The following GRIK2 variants were observed in gnomAD, a reference collection of about 807,000 sequenced individuals.
GRIK2 encodes glutamate ionotropic receptor kainate type subunit 2, also known as glutamate receptor ionotropic, kainate 2.
Under a neutral mutation model 100.3 loss-of-function variants are expected in GRIK2, and 32 were observed. The observed-to-expected ratio is 0.32, with a 90% CI of 0.24 to 0.43. The LOEUF is 0.43. GRIK2 is among the 20% of genes least tolerant of loss of function. The pLI, the probability that GRIK2 is intolerant of heterozygous loss-of-function variation, is 1.00. For synonymous variants in GRIK2, 417 were observed against 389.4 expected (o/e 1.07, Z -0.83); for missense variants, 843 against 1,114.9 (o/e 0.76, Z 3.47).
At chr6:101,410,379 T>G (rs1775831901) in intron 2 of GRIK2, among the ~76,000 whole-genome samples, 1 of 152,106 alleles carries the variant, frequency 6.6e-6, no homozygotes, top group African/African-American at 2.4e-5. Flanking sequence ...TTGAGATGGA[T>G]GTATGGGACT....
intron 2 of GRIK2, among the ~76,000 whole-genome samples, chr6:101,523,548 A>G (rs181428759): frequency 1.1e-4 from 16 of 152,270 alleles, no homozygotes; most frequent in Admixed American, 1.0e-3. Context: ...TCTGGGCCGT[A>G]AATGCTTGGG....
At chr6:101,838,906 G>C (rs959786889) in intron 10 of GRIK2, among the ~76,000 whole-genome samples, 1 of 152,016 alleles carries the variant, frequency 6.6e-6, no homozygotes, top group South Asian at 2.1e-4. Context: ...ACCTACGTTG[G>C]CCTTCTGAAG....
intron 2 of GRIK2, among the ~76,000 whole-genome samples, chr6:101,588,575 T>C (rs1778487189): frequency 2.0e-5 from 3 of 151,524 alleles, no homozygotes; most frequent in Admixed American, 2.0e-4. Flanking sequence ...AGCCCAGGAG[T>C]TTGAAGCTGT....
chr6:102,047,441 A>C (rs1283445693), intron 15 of GRIK2, among the ~76,000 whole-genome samples: 1 of 152,118 alleles, frequency 6.6e-6, no homozygotes, highest in Non-Finnish European at 1.5e-5. Flanking sequence ...GATTGGAAGA[A>C]TTAATATTGT....
At chr6:101,754,024 A>C (rs1015494090) in intron 7 of GRIK2, among the ~76,000 whole-genome samples, 3 of 152,226 alleles carry the variant, frequency 2.0e-5, no homozygotes, top group African/African-American at 7.2e-5. Context: ...AAGATAAATT[A>C]CTTTTTTTAA....
At chr6:101,696,994 A>T (rs1386951151) in intron 7 of GRIK2, among the ~76,000 whole-genome samples, 1 of 151,998 alleles carries the variant, frequency 6.6e-6, no homozygotes, top group Non-Finnish European at 1.5e-5. Flanking sequence ...CTAAACTCAT[A>T]CATAGAGGTC....
At chr6:101,936,416 CATT>C (rs760827750) in intron 14 of GRIK2, among the ~76,000 whole-genome samples, 4 of 152,000 alleles carry the variant, frequency 2.6e-5, no homozygotes, top group South Asian at 2.1e-4. Context: ...TTTAAAGTGT[CATT>C]ATATTTTTAT....
intron 7 of GRIK2, among the ~76,000 whole-genome samples, chr6:101,782,118 G>A (rs1433357345): frequency 6.6e-6 from 1 of 152,024 alleles, no homozygotes; most frequent in Non-Finnish European, 1.5e-5. Flanking sequence ...GGCTATTTAG[G>A]ATATTCACTA....
At chr6:101,975,654 A>C (rs1283067243) in intron 14 of GRIK2, among the ~76,000 whole-genome samples, 1 of 151,936 alleles carries the variant, frequency 6.6e-6, no homozygotes, top group Admixed American at 6.6e-5. Flanking sequence ...GAGTGGAAAA[A>C]GTGGAAAAGG....
chr6:101,748,471 A>C (rs1776582665), intron 7 of GRIK2, among the ~76,000 whole-genome samples: 1 of 152,154 alleles, frequency 6.6e-6, no homozygotes, highest in African/African-American at 2.4e-5. Flanking sequence ...TAATTAAACC[A>C]TATCAAATTG....
intron 11 of GRIK2, among the ~76,000 whole-genome samples, chr6:101,877,330 A>C (rs1429150081): frequency 2.0e-5 from 3 of 151,986 alleles, no homozygotes; most frequent in African/African-American, 7.2e-5. Context: ...GTCTGTACTG[A>C]ACATGCAGAC....
At chr6:101,582,810 G>A (rs532897003) in intron 2 of GRIK2, among the ~76,000 whole-genome samples, 2 of 152,242 alleles carry the variant, frequency 1.3e-5, no homozygotes, top group South Asian at 2.1e-4. Flanking sequence ...CTGACAAATG[G>A]AAGCTTCTGT....
intron 7 of GRIK2, among the ~76,000 whole-genome samples, chr6:101,705,910 T>C (rs1222433237): frequency 3.9e-5 from 6 of 151,914 alleles, no homozygotes; most frequent in Non-Finnish European, 7.4e-5. Context: ...AAATCAGCAA[T>C]GTTAAAAAAT....
intron 7 of GRIK2, among the ~76,000 whole-genome samples, chr6:101,725,483 A>G (rs1336316796): frequency 3.9e-5 from 6 of 152,050 alleles, no homozygotes; most frequent in African/African-American, 1.4e-4. Context: ...TAATTTAACC[A>G]TCTGTATTTG....
At chr6:101,406,136 T>C (rs2128236856) in intron 2 of GRIK2, among the ~76,000 whole-genome samples, 1 of 152,320 alleles carries the variant, frequency 6.6e-6, no homozygotes, top group South Asian at 2.1e-4. Flanking sequence ...ATTTTCAAAG[T>C]GACAGTTACC....
In GRIK2 at chr6:102,068,428, C is replaced by T; in HGVS notation, c.2644C>T (p.Pro882Ser). The T allele has an allele frequency of 6.2e-7, 1 of 1,612,006 alleles. No individual in the cohort carries two copies. The highest frequency in any genetic ancestry group is 8.5e-7 in the Non-Finnish European group (1 of 1,178,582). ...QRRLKHKPQA[P>S]VIVKTEEVIN... ...TCGGTTAAAACATAAGCCACAGGCC[C>T]CAGTTATTGTGAAAACAGAAGAAGT... The change falls in exon 17 of 17, where the codon CCA becomes TCA. Residue 882 changes from proline (P) to serine (S), a missense_variant. Around this residue, in one of 3 missense-constraint regions of GRIK2, gnomAD observed 87 missense variants for 83.2 expected, o/e 1.05. Transcript: ENST00000369134.
intron 2 of GRIK2, among the ~76,000 whole-genome samples, chr6:101,418,123 A>G (rs1255257416): frequency 6.6e-6 from 1 of 152,196 alleles, no homozygotes; most frequent in African/African-American, 2.4e-5. Flanking sequence ...AGGCACCTGT[A>G]ATTATAGCAG....
intron 2 of GRIK2, among the ~76,000 whole-genome samples, chr6:101,553,427 A>G (rs926215284): frequency 6.6e-6 from 1 of 152,120 alleles, no homozygotes; most frequent in African/African-American, 2.4e-5. Flanking sequence ...TTTTGTTTAT[A>G]CTCTGCTATA....
chr6:101,770,305 C>A (rs573752071), intron 7 of GRIK2, among the ~76,000 whole-genome samples: 1 of 152,208 alleles, frequency 6.6e-6, no homozygotes, highest in South Asian at 2.1e-4. Flanking sequence ...AGTCCTTGCC[C>A]ATACGTCACC....
Sources: allele counts gnomAD v4.1 joint callset (sites outside exome capture counted in the v4.1 genomes callset), GRCh38; gene constraint gnomAD v4.1.1; regional missense constraint gnomAD v4.1.1; transcripts MANE v1.5; gene names NCBI Gene and HGNC (gene_info 2026-07-23, HGNC 2026-07-21).